CAST: variants seen among roughly 807,000 people sequenced by gnomAD.
CAST encodes MIR583 host.
In CAST, 76 loss-of-function variants were observed where a neutral mutation model predicts 119.6. The observed-to-expected ratio is 0.64, with a 90% CI of 0.53 to 0.77. The LOEUF is 0.77. Among genes scored for constraint, CAST ranks in the 30% least tolerant of loss-of-function variants. CAST has a pLI of 0.00. For missense variants in CAST, 953 were observed against 946.5 expected (o/e 1.01, Z -0.09); for synonymous variants, 319 against 331.6 (o/e 0.96, Z 0.41).
the CAST span, among the ~76,000 whole-genome samples, chr5:96,102,594 G>A: frequency 6.6e-6 from 1 of 152,190 alleles, no homozygotes; most frequent in Non-Finnish European, 1.5e-5. Flanking sequence ...AGTTTTGCCA[G>A]GGACCCGCCC....
chr5:96,215,901 G>A, the CAST span, among the ~76,000 whole-genome samples: 3 of 152,218 alleles, frequency 2.0e-5, no homozygotes, highest in South Asian at 4.1e-4. Flanking sequence ...TCTGCCTCTC[G>A]GGTACAAGTG....
At chr5:96,609,867 A>C (rs1747327565) in intron 1 of CAST, among the ~76,000 whole-genome samples, 1 of 152,130 alleles carries the variant, frequency 6.6e-6, no homozygotes, top group South Asian at 2.1e-4. Flanking sequence ...CAAAAGTCTA[A>C]GTCAATGCTG....
chr5:96,472,957 G>A, the CAST span, among the ~76,000 whole-genome samples: 13 of 152,224 alleles, frequency 8.5e-5, no homozygotes, highest in African/African-American at 2.4e-4. Context: ...ATAGCAGCCC[G>A]AAGCATTCCT....
chr5:96,514,856 AT>A, the CAST span, among the ~76,000 whole-genome samples: 1 of 152,130 alleles, frequency 6.6e-6, no homozygotes, highest in African/African-American at 2.4e-5. Flanking sequence ...GGTTCAAGCG[AT>A]TCTCATGCCT....
At chr5:96,531,021 G>A (rs1215524071) in intron 1 of CAST, among the ~76,000 whole-genome samples, 1 of 152,128 alleles carries the variant, frequency 6.6e-6, no homozygotes, top group Non-Finnish European at 1.5e-5. Context: ...TGGAATTACT[G>A]AGCTCAAGTG....
chr5:96,735,297 A>C (rs555965021), intron 9 of CAST, among the ~76,000 whole-genome samples: 2 of 152,326 alleles, frequency 1.3e-5, no homozygotes, highest in East Asian at 1.9e-4. Flanking sequence ...CTGTTATGCA[A>C]ACCTTGGCAG....
chr5:96,120,483 G>T, the CAST span, among the ~76,000 whole-genome samples: 1 of 151,604 alleles, frequency 6.6e-6, no homozygotes, highest in Non-Finnish European at 1.5e-5. Flanking sequence ...AATATTCTGT[G>T]AGCTTTTTTT....
the CAST span, among the ~76,000 whole-genome samples, chr5:96,336,933 G>T: frequency 6.6e-6 from 1 of 152,124 alleles, no homozygotes; most frequent in Non-Finnish European, 1.5e-5. Flanking sequence ...GAGTAAAACT[G>T]GGAAGAGTTT....
intron 1 of CAST, among the ~76,000 whole-genome samples, chr5:96,544,449 G>C (rs1050107952): frequency 3.5e-4 from 53 of 152,156 alleles, no homozygotes; most frequent in African/African-American, 1.3e-3. Flanking sequence ...GGACTAGAAT[G>C]ACTTGTTGAT....
the CAST span, among the ~76,000 whole-genome samples, chr5:95,979,772 A>C: frequency 2.0e-5 from 3 of 152,298 alleles, no homozygotes; most frequent in Non-Finnish European, 2.9e-5. Context: ...ACTTATTCCA[A>C]AGTCCCATGT....
intron 1 of CAST, among the ~76,000 whole-genome samples, chr5:96,602,490 G>A (rs906366367): frequency 7.9e-5 from 12 of 152,260 alleles, no homozygotes; most frequent in South Asian, 6.2e-4. Context: ...AATGGCTCAC[G>A]CCTGTAATCC....
chr5:96,092,456 C>T, the CAST span, among the ~76,000 whole-genome samples: 1 of 152,182 alleles, frequency 6.6e-6, no homozygotes, highest in African/African-American at 2.4e-5. Flanking sequence ...ATTCAATATA[C>T]ATCCTCAACT....
the CAST span, among the ~76,000 whole-genome samples, chr5:96,176,222 T>G: frequency 6.6e-6 from 1 of 152,236 alleles, no homozygotes; most frequent in African/African-American, 2.4e-5. Context: ...TTTGGGGAAC[T>G]GCCAATAATT....
At chr5:96,597,946 G>T (rs913880599) in intron 1 of CAST, among the ~76,000 whole-genome samples, 1 of 148,572 alleles carries the variant, frequency 6.7e-6, no homozygotes, top group African/African-American at 2.6e-5. Flanking sequence ...GAAGGGGGGA[G>T]GGGGAGAGGC....
At chr5:96,310,073 T>A in the CAST span, among the ~76,000 whole-genome samples, 1 of 152,254 alleles carries the variant, frequency 6.6e-6, no homozygotes, top group Admixed American at 6.5e-5. Flanking sequence ...TTCTTACATA[T>A]CATCTTTACT....
At chr5:96,703,026 C>G in intron 3 of CAST, 2 of 794,590 alleles carry the variant, frequency 2.5e-6, no homozygotes, top group South Asian at 1.1e-4. Context: ...CTGCAGCGGA[C>G]TCCCCAGGCT....
chr5:96,456,568 A>C, the CAST span, among the ~76,000 whole-genome samples: 4 of 152,228 alleles, frequency 2.6e-5, no homozygotes, highest in Non-Finnish European at 4.4e-5. Context: ...TTGGTTTGAT[A>C]ATCTCCCTTT....
At chr5:96,093,904 C>T in the CAST span, among the ~76,000 whole-genome samples, 5 of 152,174 alleles carry the variant, frequency 3.3e-5, no homozygotes, top group African/African-American at 4.8e-5. Context: ...AGTTTGTGTC[C>T]TGAACTCCAT....
chr5:95,977,263 C>T, the CAST span, among the ~76,000 whole-genome samples: 4 of 152,316 alleles, frequency 2.6e-5, no homozygotes, highest in Middle Eastern at 3.4e-3. Context: ...GCTTGTCCTA[C>T]AGATGACATT....
Sources: gnomAD v4.1 joint callset for allele counts (sites outside exome capture counted in the v4.1 genomes callset) on GRCh38, gnomAD v4.1.1 for gene constraint, MANE v1.5 for transcripts, NCBI Gene and HGNC (gene_info 2026-07-23, HGNC 2026-07-21) for gene names.